PTPRR: variants seen among roughly 807,000 people sequenced by gnomAD.
The protein encoded by PTPRR is protein tyrosine phosphatase receptor type R.
A neutral mutation model predicts 77.2 loss-of-function variants in PTPRR; 38 were observed. The ratio of observed to expected loss-of-function variants is 0.49; its 90% CI spans 0.38 to 0.65. PTPRR has a LOEUF of 0.65. Ranked by LOEUF, PTPRR falls within the 30% of genes least tolerant of loss-of-function variation. The pLI is 0.00. For synonymous variants in PTPRR, 299 were observed against 283.1 expected (o/e 1.06, Z -0.57); for missense variants, 744 against 799.2 (o/e 0.93, Z 0.83).
intron 13 of PTPRR, among the ~76,000 whole-genome samples, chr12:70,639,871 T>C (rs12582642): frequency 0.074 from 11,219 of 152,224 alleles, 609 homozygotes; most frequent in Admixed American, 0.15. Flanking sequence ...ACAAGTAAAA[T>C]GAAGTCTACC....
chr12:70,826,795 T>G (rs1487167154), intron 2 of PTPRR, among the ~76,000 whole-genome samples: 2 of 152,210 alleles, frequency 1.3e-5, no homozygotes, highest in Non-Finnish European at 2.9e-5. Context: ...TGACTTTTAC[T>G]AGCTCCAGAA....
At chr12:70,907,471 A>G (rs1249162409) in intron 1 of PTPRR, among the ~76,000 whole-genome samples, 1 of 152,058 alleles carries the variant, frequency 6.6e-6, no homozygotes, top group African/African-American at 2.4e-5. Context: ...GTAAACCTCT[A>G]TTTGGGAGTT....
intron 2 of PTPRR, among the ~76,000 whole-genome samples, chr12:70,858,142 A>G (rs1053934728): frequency 6.6e-6 from 1 of 151,816 alleles, no homozygotes; most frequent in African/African-American, 2.4e-5. Context: ...GTTCCTCATC[A>G]GTCTGGCTAC....
intron 6 of PTPRR, among the ~76,000 whole-genome samples, chr12:70,710,734 C>A (rs1054023792): frequency 2.0e-5 from 3 of 151,794 alleles, no homozygotes; most frequent in Non-Finnish European, 2.9e-5. Flanking sequence ...AAAAGGTGAT[C>A]AAAGGACAGG....
chr12:70,697,772 G>T (rs1565652765), intron 8 of PTPRR, among the ~76,000 whole-genome samples: 1 of 152,034 alleles, frequency 6.6e-6, no homozygotes, highest in East Asian at 1.9e-4. Context: ...GGTTGTTTCT[G>T]CTCCATTTGT....
intron 2 of PTPRR, among the ~76,000 whole-genome samples, chr12:70,852,445 G>A (rs1163446449): frequency 1.3e-5 from 2 of 152,126 alleles, no homozygotes; most frequent in African/African-American, 4.8e-5. Flanking sequence ...TTTCTGCAGT[G>A]GTAGCATGCT....
intron 2 of PTPRR, among the ~76,000 whole-genome samples, chr12:70,807,817 G>T (rs1253859025): frequency 6.6e-6 from 1 of 152,100 alleles, no homozygotes; most frequent in Non-Finnish European, 1.5e-5. Flanking sequence ...ATAAGCTGAG[G>T]ATGTATGTCA....
chr12:70,729,318 A>ATCTG (rs1249344177), intron 6 of PTPRR, among the ~76,000 whole-genome samples: 4 of 124,620 alleles, frequency 3.2e-5, no homozygotes, highest in African/African-American at 1.1e-4. Context: ...ATCTATTTGT[A>ATCTG]TCTATCTGTC....
At chr12:70,731,411 C>T (rs1449420916) in intron 6 of PTPRR, among the ~76,000 whole-genome samples, 1 of 152,166 alleles carries the variant, frequency 6.6e-6, no homozygotes, top group Non-Finnish European at 1.5e-5. Flanking sequence ...TTGCAATCGC[C>T]TTGTCTGAGA....
At chr12:70,789,962 T>TA (rs1891394920) in intron 2 of PTPRR, among the ~76,000 whole-genome samples, 1 of 152,134 alleles carries the variant, frequency 6.6e-6, no homozygotes, top group Admixed American at 6.5e-5. Context: ...AACATAATAG[T>TA]AAAAAATCAG....
intron 2 of PTPRR, among the ~76,000 whole-genome samples, chr12:70,833,256 T>C (rs1391839923): frequency 1.3e-5 from 2 of 152,078 alleles, no homozygotes; most frequent in Non-Finnish European, 2.9e-5. Flanking sequence ...TAGTGAGGGA[T>C]AAGAAAGCAT....
chr12:70,817,944 C>T (rs11178442), intron 2 of PTPRR, among the ~76,000 whole-genome samples: 3,243 of 152,212 alleles, frequency 0.021, 62 homozygotes, highest in African/African-American at 0.055. Context: ...CCAGGTGCAG[C>T]GGCTCACGCC....
At position 70,644,907 on chromosome 12, in the gene PTPRR, GT is replaced by G. The variant is rs558813121; in HGVS notation, c.1881-5631del. Among the ~76,000 whole-genome samples, 9 of 152,222 alleles carry G rather than the reference GT, an allele frequency of 5.9e-5. No homozygotes were observed. In the South Asian group the frequency reaches 1.9e-3, roughly 32 times the overall value. On this transcript the variant is annotated intron_variant, in intron 13 of 13. Transcript: ENST00000283228. ...CTGACAGATTCAGGTTTGAATCCTTGTTTTTTTAACTTACTTAGCTAAATGA... is the reference window on the plus strand; with the variant it reads ...CTGACAGATTCAGGTTTGAATCCTTGTTTTTTAACTTACTTAGCTAAATGA...
chr12:70,863,673 T>C (rs1023257369), intron 2 of PTPRR, among the ~76,000 whole-genome samples: 3 of 148,744 alleles, frequency 2.0e-5, no homozygotes, highest in Non-Finnish European at 4.6e-5. Flanking sequence ...AATGAACCAA[T>C]TATCTATTGT....
chr12:70,740,832 C>T (rs1275395274), intron 6 of PTPRR, among the ~76,000 whole-genome samples: 1 of 152,062 alleles, frequency 6.6e-6, no homozygotes, highest in Admixed American at 6.6e-5. Context: ...ATTATTACCT[C>T]ACTCCAGGAT....
intron 2 of PTPRR, among the ~76,000 whole-genome samples, chr12:70,782,891 GGTTA>G (rs746086747): frequency 9.2e-5 from 14 of 152,174 alleles, no homozygotes; most frequent in Non-Finnish European, 1.9e-4. Context: ...TTAAGATAGG[GGTTA>G]GTAAGGCAGA....
intron 6 of PTPRR, among the ~76,000 whole-genome samples, chr12:70,727,867 C>T (rs1889499643): frequency 6.6e-6 from 1 of 152,184 alleles, no homozygotes; most frequent in African/African-American, 2.4e-5. Context: ...TCTGAGTAAA[C>T]AACTGTATCA....
chr12:70,819,258 T>C (rs1261329724), intron 2 of PTPRR, among the ~76,000 whole-genome samples: 1 of 152,188 alleles, frequency 6.6e-6, no homozygotes, highest in Non-Finnish European at 1.5e-5. Context: ...TGAGCTGAGA[T>C]TGCACCACTG....
At chr12:70,812,607 A>T (rs1042978337) in intron 2 of PTPRR, among the ~76,000 whole-genome samples, 1 of 152,196 alleles carries the variant, frequency 6.6e-6, no homozygotes, top group Non-Finnish European at 1.5e-5. Flanking sequence ...ATAACAATTA[A>T]CTATTAATGA....
Sources: allele counts gnomAD v4.1 joint callset (sites outside exome capture counted in the v4.1 genomes callset), GRCh38; gene constraint gnomAD v4.1.1; transcripts MANE v1.5; gene names NCBI Gene and HGNC (gene_info 2026-07-23, HGNC 2026-07-21).